TCF3: variants seen among roughly 807,000 people sequenced by gnomAD.
TCF3 encodes the protein transcription factor E2-alpha.
Under a neutral mutation model 72.3 loss-of-function variants are expected in TCF3, and 54 were observed. That is an observed-to-expected ratio of 0.75 (90% CI 0.60 to 0.94). The LOEUF is 0.94. TCF3 is among the 40% of genes least tolerant of loss of function. TCF3 has a pLI of 0.00. For synonymous variants in TCF3, 525 were observed against 412.6 expected, an observed-to-expected ratio of 1.27 and a Z score of -3.30; for missense variants, 1,078 against 934.4, an observed-to-expected ratio of 1.15 and a Z score of -2.00.
intron 3 of TCF3, among the ~76,000 whole-genome samples, chr19:1,634,223 C>T (rs1358366146): frequency 6.6e-6 from 1 of 152,240 alleles, no homozygotes; most frequent in Non-Finnish European, 1.5e-5. Context: ...ATCCCCCCCA[C>T]CGATTAATGA....
At chr19:1,625,735 C>T (rs763331581) in intron 6 of TCF3, 27 bp from the exon 7 acceptor site, 20 of 1,471,758 alleles carry the variant, frequency 1.4e-5, no homozygotes, top group South Asian at 4.1e-5. Context: ...GGTCAGAAAG[C>T]GCCCAGCTGG....
At chr19:1,637,737 C>T (rs565491670) in intron 3 of TCF3, among the ~76,000 whole-genome samples, 73 of 152,254 alleles carry the variant, frequency 4.8e-4, no homozygotes, top group Admixed American at 9.2e-4. Context: ...GTGAAACCCC[C>T]GTCTCTACTA....
rs567431446 is a variant in TCF3 at position 1,614,319 on chromosome 19, G to A, written c.1822+966C>T. ...ACAGGACCAGGGGCTGCGTGCTCCC[G>A]GGTCTGGTTTCTTCCCGCAAGCCCT... On this transcript the variant is annotated intron_variant, in intron 18 of 18. Coordinates refer to ENST00000262965, the MANE Select transcript of TCF3 (RefSeq NM_003200.5). The surrounding 1 kb of genome is among the most constrained non-coding windows in gnomAD (Gnocchi z 5.6). 5.3e-5 allele frequency among the ~76,000 whole-genome samples: 8 copies of A among 152,228 alleles called. No individual in the cohort carries two copies. The highest frequency in any genetic ancestry group is 3.9e-4 in the Admixed American group (6 of 15,290).
At chr19:1,630,371 G>A (rs997991189) in intron 5 of TCF3, among the ~76,000 whole-genome samples, 3 of 152,206 alleles carry the variant, frequency 2.0e-5, no homozygotes, top group Non-Finnish European at 2.9e-5. Context: ...TTCCTACTCA[G>A]GACACCAACT....
intron 5 of TCF3, among the ~76,000 whole-genome samples, chr19:1,629,354 C>A (rs1427655830): frequency 6.6e-6 from 1 of 152,188 alleles, no homozygotes; most frequent in Non-Finnish European, 1.5e-5. Flanking sequence ...CAGCATTCAG[C>A]CTTCAGGCCA....
At chr19:1,648,539 T>C (rs1448590284) in intron 2 of TCF3, among the ~76,000 whole-genome samples, 3 of 152,068 alleles carry the variant, frequency 2.0e-5, no homozygotes, top group African/African-American at 7.2e-5. Flanking sequence ...CTGTGACTTG[T>C]CAGTTTAACA....
rs117775896 is a variant in TCF3, at chr19:1,614,336, G to A, written c.1822+949C>T. Among the ~76,000 whole-genome samples, 1,461 of 152,334 alleles carry A rather than the reference G, an allele frequency of 9.6e-3. 13 individuals are homozygous for A. The highest frequency in any genetic ancestry group is 0.016 in the Non-Finnish European group (1,077 of 68,030). On this transcript the variant is annotated intron_variant, in intron 18 of 18. Coordinates refer to ENST00000262965, the MANE Select transcript of TCF3 (RefSeq NM_003200.5). This position sits in a 1 kb window ranked among gnomAD's most constrained non-coding sequence, Gnocchi z 5.6. Reference sequence around the variant, plus strand: ...GTGCTCCCGGGTCTGGTTTCTTCCCGCAAGCCCTGACGGGGGGCTTTGGGG... The same window carrying A: ...GTGCTCCCGGGTCTGGTTTCTTCCCACAAGCCCTGACGGGGGGCTTTGGGG...
In TCF3 at chr19:1,610,833, C is replaced by G. The variant is rs1474703315; in HGVS notation, c.*874G>C. The G allele has an allele frequency of 2.3e-5, 5 of 215,884 alleles. No homozygotes were observed. Among genetic ancestry groups the G allele is most frequent in the Non-Finnish European group, 3.6e-5 (4 of 109,836 alleles). 13.4% of individuals were successfully genotyped at this position (215,884 alleles called of 1,614,324 possible). A position where few individuals can be genotyped will look rare whatever the true frequency, so the allele number is the denominator to read the frequency against. Reference sequence around the variant, plus strand: ...TTCATCAGGGAACGCCCACGCATCACTTTCCACATGACAAAACCAAGAGAA... The same window carrying G: ...TTCATCAGGGAACGCCCACGCATCAGTTTCCACATGACAAAACCAAGAGAA... On this transcript the variant is annotated 3_prime_UTR_variant, in exon 19 of 19. Transcript: ENST00000262965.
At chr19:1,613,223 C>A (rs1216338001) in intron 18 of TCF3, among the ~76,000 whole-genome samples, 1 of 152,156 alleles carries the variant, frequency 6.6e-6, no homozygotes, top group Admixed American at 6.5e-5. Context: ...CCCTGGAATG[C>A]AGCAGAGCCC....
Position 1,625,701 on chromosome 19 carries a change from A to T in TCF3, c.374T>A (p.Phe125Tyr). 1 of 1,511,384 alleles carries T rather than the reference A, an allele frequency of 6.6e-7. No individual in the cohort carries two copies. Among genetic ancestry groups the T allele is most frequent in the Non-Finnish European group, 8.8e-7 (1 of 1,135,758 alleles). The allele number at this position is 1,511,384 out of a possible 1,614,324, so 93.6% of individuals were successfully genotyped here. A position where few individuals can be genotyped will look rare whatever the true frequency, so the allele number is the denominator to read the frequency against. ...AGVGGLTQAG[F>Y]LSGELALNSP... The stretch of plus-strand genomic sequence containing the variant: ...GTTGAGGGCCAGCTCGCCTGACAGG[A>T]AGCCAGCCTGGTGGGGAGCGGATGG... The change falls in exon 7 of 19, where the codon TTC (phenylalanine) becomes TAC (tyrosine). Residue 125 changes from phenylalanine (F) to tyrosine (Y), a missense_variant. Phe to Tyr is a conservative substitution (Grantham distance 22). Transcript: ENST00000262965.
At chr19:1,618,961 C>T (rs2061847574) in intron 16 of TCF3, 150 bp downstream of exon 16, 1 of 1,330,104 alleles carries the variant, frequency 7.5e-7, no homozygotes, top group East Asian at 2.4e-5. Context: ...CTTACCCACC[C>T]TCCTGAAGTT....
intron 2 of TCF3, among the ~76,000 whole-genome samples, chr19:1,648,827 G>GT (rs910933432): frequency 1.3e-5 from 2 of 150,866 alleles, no homozygotes; most frequent in Non-Finnish European, 3.0e-5. Flanking sequence ...TGGGGGGGGG[G>GT]GGGGAGCAGA....
intron 6 of TCF3, among the ~76,000 whole-genome samples, chr19:1,626,982 C>T (rs2062963328): frequency 6.6e-6 from 1 of 152,210 alleles, no homozygotes; most frequent in Non-Finnish European, 1.5e-5. Flanking sequence ...CCTCCCCCAG[C>T]CTCACAACCA....
intron 3 of TCF3, among the ~76,000 whole-genome samples, chr19:1,637,775 G>A (rs148057237): frequency 2.0e-5 from 3 of 152,306 alleles, no homozygotes; most frequent in Admixed American, 1.3e-4. Flanking sequence ...TGGGCGTGGT[G>A]GTGGGCACCT....
chr19:1,630,109 G>A (rs2063518211), intron 5 of TCF3, among the ~76,000 whole-genome samples: 1 of 152,244 alleles, frequency 6.6e-6, no homozygotes, highest in African/African-American at 2.4e-5. Context: ...ACATGGCTGG[G>A]CTCTGGGCAT....
chr19:1,616,788 G>T (rs1029871575), intron 16 of TCF3, among the ~76,000 whole-genome samples: 1 of 151,926 alleles, frequency 6.6e-6, no homozygotes, highest in Non-Finnish European at 1.5e-5. Context: ...AAGTAAAAAA[G>T]AAAAAACAAA....
At chr19:1,630,760 C>T (rs554617112) in intron 5 of TCF3, among the ~76,000 whole-genome samples, 8 of 152,200 alleles carry the variant, frequency 5.3e-5, no homozygotes, top group African/African-American at 1.2e-4. Flanking sequence ...AGGCTGACCA[C>T]GACAGCGGGA....
rs915880927 is a variant in TCF3 at position 1,612,210 on chromosome 19, G to A, written c.1823-361C>T. 1.3e-6 allele frequency: 2 copies of A among 1,577,422 alleles called. No homozygotes were observed. The highest frequency in any genetic ancestry group is 1.7e-6 in the Non-Finnish European group (2 of 1,157,928). ...CAGCCCTGGCCGGGGAGCCTACCTC[G>A]CACCTGCTGCTCCAGCCCCAGGATG... is the stretch of plus-strand genomic sequence containing the variant. On this transcript the variant is annotated intron_variant, in intron 18 of 18. Coordinates refer to ENST00000262965, the MANE Select transcript of TCF3 (RefSeq NM_003200.5).
Position 1,622,350 on chromosome 19 carries a change from G to A in TCF3, c.615C>T (p.Thr205=), listed in dbSNP as rs374299371. ...RDATAYPSAK[T]PSSTYPAPFY... is the part of the protein sequence containing the mutation. The stretch of plus-strand genomic sequence containing the variant: ...AGGGGGCGGGATAGGTGCTGCTGGG[G>A]GTCTTGGCGGACGGGTAGGCGGTGG... Residue 205 remains threonine, a synonymous_variant, in exon 9 of 19, where the codon ACC becomes ACT. Coordinates refer to ENST00000262965, the MANE Select transcript of TCF3 (RefSeq NM_003200.5). The A allele has an allele frequency of 1.1e-5, 17 of 1,533,902 alleles. No homozygotes were observed. The highest frequency in any genetic ancestry group is 1.4e-5 in the Non-Finnish European group (16 of 1,140,856).
Sources: gnomAD v4.1 joint callset for allele counts (sites outside exome capture counted in the v4.1 genomes callset) on GRCh38, gnomAD v4.1.1 for gene constraint, Gnocchi (gnomAD v3.1) non-coding constraint, MANE v1.5 for transcripts, NCBI Gene and HGNC (gene_info 2026-07-23, HGNC 2026-07-21) for gene names.